MINDY4B: variants seen among roughly 807,000 people sequenced by gnomAD.
MINDY4B encodes inactive ubiquitin carboxyl-terminal hydrolase MINDY-4B.
Under a neutral mutation model 16.7 loss-of-function variants are expected in MINDY4B, and 25 were observed. The observed-to-expected ratio is 1.49, with a 90% confidence interval of 1.09 to 2.09. The LOEUF is 2.09. MINDY4B is among the 30% of genes most tolerant of loss of function. The pLI is 0.00. For synonymous variants in MINDY4B, 132 were observed against 61.9 expected (o/e 2.13, Z -5.32); for missense variants, 327 against 168.4 (o/e 1.94, Z -5.21).
chr3:150,900,522 T>G (rs2107911275), intron 3 of MINDY4B, among the ~76,000 whole-genome samples: 1 of 152,260 alleles, frequency 6.6e-6, no homozygotes, highest in South Asian at 2.1e-4. Flanking sequence ...AACAAGCATA[T>G]TTAGAATCCC....
intron 2 of MINDY4B, among the ~76,000 whole-genome samples, chr3:150,904,416 G>A (rs774269672): frequency 6.6e-6 from 1 of 152,126 alleles, no homozygotes; most frequent in Non-Finnish European, 1.5e-5. Context: ...GGGGCGAGAA[G>A]CTTTAGCATT....
intron 3 of MINDY4B, among the ~76,000 whole-genome samples, chr3:150,896,659 G>A (rs917717886): frequency 1.3e-5 from 2 of 152,092 alleles, no homozygotes; most frequent in South Asian, 2.1e-4. Flanking sequence ...TCTGGATCTA[G>A]CCACCTAGCA....
Position 150,894,237 on chromosome 3 carries a change from G to C in MINDY4B, c.378C>G (p.Phe126Leu). 1.4e-6 allele frequency: 1 copy of C among 702,236 alleles called. No homozygotes were observed. The highest frequency in any genetic ancestry group is 2.3e-4 in the Middle Eastern group (1 of 4,362). 43.5% of individuals were successfully genotyped at this position (702,236 alleles called of 1,614,324 possible). The change falls in exon 4 of 12, where the codon TTC becomes TTG. Residue 126 changes from phenylalanine to leucine, a missense_variant. By Grantham distance (22) the Phe-to-Leu change is conservative (BLOSUM62 0). Transcript: ENST00000465419. ...GTTCAGAAGAAGGATCATGGAACCT[G>C]AAATAGGCCTTTTTCCAGTTATAGC... ...VFSYNWKKAY[F>L]RFHDPSSELA... is the part of the protein sequence containing the mutation.
chr3:150,874,041 G>A (rs1378810258), intron 10 of MINDY4B, among the ~76,000 whole-genome samples: 3 of 127,522 alleles, frequency 2.4e-5, no homozygotes, highest in East Asian at 2.4e-4. Context: ...TTAAAGACAG[G>A]ATCTTGCTCT....
chr3:150,901,522 C>CT (rs10556676), intron 3 of MINDY4B: 1,815 of 134,920 alleles, frequency 0.013, 30 homozygotes, highest in South Asian at 0.074. Context: ...CTTTTCTTTT[C>CT]TTTTTTTTTT....
chr3:150,880,156 A>T (rs574852521), intron 10 of MINDY4B, among the ~76,000 whole-genome samples: 1 of 152,382 alleles, frequency 6.6e-6, no homozygotes, highest in East Asian at 1.9e-4. Flanking sequence ...GTTGTAAGTG[A>T]GGAAACAGGC....
chr3:150,902,951 A>C (rs892508161), intron 3 of MINDY4B, among the ~76,000 whole-genome samples: 2 of 152,164 alleles, frequency 1.3e-5, no homozygotes, highest in Admixed American at 6.5e-5. Flanking sequence ...AGTCTGTCCT[A>C]TCCTACCTTC....
At chr3:150,894,027 A>G (rs114928084) in intron 4 of MINDY4B, among the ~76,000 whole-genome samples, 159 bp downstream of exon 4, 1 of 152,316 alleles carries the variant, frequency 6.6e-6, no homozygotes, top group African/African-American at 2.4e-5. Context: ...AAGTAATTTT[A>G]AATAGTCTGT....
At chr3:150,890,291 A>G (rs1301656149) in intron 7 of MINDY4B, 29 bp downstream of exon 7, 7 of 478,898 alleles carry the variant, frequency 1.5e-5, no homozygotes, top group African/African-American at 1.4e-4. Context: ...GTCAACATAA[A>G]GGAATTATCT....
intron 7 of MINDY4B, among the ~76,000 whole-genome samples, chr3:150,888,709 T>C (rs927684584): frequency 6.6e-6 from 1 of 152,228 alleles, no homozygotes; most frequent in African/African-American, 2.4e-5. Flanking sequence ...TTAGCTCTCA[T>C]GCCAAGCCCA....
In MINDY4B at chr3:150,902,877, G is replaced by A. The variant is rs148594758; in HGVS notation, c.309+372C>T. Among the ~76,000 whole-genome samples, 126 of 152,264 alleles carry A rather than the reference G, an allele frequency of 8.3e-4. 1 individual carries two copies. Among genetic ancestry groups the A allele is most frequent in the Non-Finnish European group, 5.4e-4 (37 of 68,022 alleles). On this transcript the variant is annotated intron_variant, in intron 3 of 11. Transcript: ENST00000465419. ...TCCCTCCTGCATGCATACAGGTGGGGTACTTTCTTACACATCTACATTGTC... is the reference window on the plus strand; with the variant it reads ...TCCCTCCTGCATGCATACAGGTGGGATACTTTCTTACACATCTACATTGTC...
intron 5 of MINDY4B, among the ~76,000 whole-genome samples, chr3:150,891,988 C>A (rs372779739): frequency 6.6e-6 from 1 of 152,106 alleles, no homozygotes; most frequent in Non-Finnish European, 1.5e-5. Context: ...AAGTGCCTTA[C>A]CTTTATGTGG....
rs1357511190 is a variant in MINDY4B, at chr3:150,873,204, A to G, written c.1223T>C (p.Leu408Pro). The change falls in exon 11 of 12, where the codon CTT becomes CCT. Residue 408 changes from leucine to proline, a missense_variant. Coordinates refer to ENST00000465419, the MANE Select transcript of MINDY4B (RefSeq NM_001351281.2). ...ATGCTCACCTATTGTAAGACGCACA[A>G]GCTTTTTCTGTGAGGGTTGGCCACT... ...FYSGQPSQKK[L>P]VRLTIDTHSH... is the part of the protein sequence containing the mutation. The G allele has an allele frequency of 2.1e-5, 15 of 703,054 alleles. No individual in the cohort carries two copies. The highest frequency in any genetic ancestry group is 3.9e-5 in the Non-Finnish European group (15 of 384,880). 43.6% of individuals were successfully genotyped at this position (703,054 alleles called of 1,614,324 possible). A position where few individuals can be genotyped will look rare whatever the true frequency, so the allele number is the denominator to read the frequency against.
intron 9 of MINDY4B, 118 bp from the exon 10 acceptor site, chr3:150,883,176 A>T: frequency 1.7e-6 from 1 of 573,970 alleles, no homozygotes; most frequent in South Asian, 2.3e-5. Context: ...ATCACATGAT[A>T]CATATTTCAG....
chr3:150,878,133 T>C (rs1057281732), intron 10 of MINDY4B, among the ~76,000 whole-genome samples: 8 of 152,060 alleles, frequency 5.3e-5, no homozygotes, highest in Admixed American at 6.6e-5. Context: ...ATTCAATAAA[T>C]AAATGAAATG....
intron 11 of MINDY4B, 62 bp downstream of exon 11, chr3:150,873,125 T>C (rs553911443): frequency 9.3e-6 from 6 of 644,568 alleles, no homozygotes; most frequent in East Asian, 5.5e-5. Flanking sequence ...TTGTTAAACA[T>C]TGGCAACCGC....
At position 150,873,202 on chromosome 3, in the gene MINDY4B, C is replaced by T; in HGVS notation, c.1225G>A (p.Val409Met). The T allele has an allele frequency of 1.4e-6, 1 of 702,994 alleles. No individual in the cohort carries two copies. The allele number at this position is 702,994 out of a possible 1,614,324, so 43.5% of individuals were successfully genotyped here. The change falls in exon 11 of 12, where the codon GTG becomes ATG. Residue 409 changes from valine to methionine, a missense_variant. Coordinates refer to ENST00000465419, the MANE Select transcript of MINDY4B (RefSeq NM_001351281.2). ...AAATGCTCACCTATTGTAAGACGCA[C>T]AAGCTTTTTCTGTGAGGGTTGGCCA... ...YSGQPSQKKL[V>M]RLTIDTHSHH...
At position 150,891,024 on chromosome 3, in the gene MINDY4B, C is replaced by T; in HGVS notation, c.601G>A (p.Ala201Thr). The change falls in exon 6 of 12, where the codon GCT becomes ACT. Residue 201 changes from alanine to threonine, a missense_variant. Ala to Thr is a moderately conservative substitution (Grantham distance 58, BLOSUM62 0). Transcript: ENST00000465419. The part of the protein sequence containing the change: ...LAGILWAAGA[A>T]QKATICLVTE... ...ACAAGACAGATGGTGGCCTTCTGAG[C>T]TGCTCCTGCAGCCCACAGGATGCCA... is the stretch of plus-strand genomic sequence containing the variant. 2 of 702,884 alleles carry T rather than the reference C, an allele frequency of 2.8e-6. No individual in the cohort carries two copies. Among genetic ancestry groups the T allele is most frequent in the Non-Finnish European group, 5.2e-6 (2 of 384,844 alleles). 43.5% of individuals were successfully genotyped at this position (702,884 alleles called of 1,614,324 possible).
chr3:150,898,705 A>G (rs1712038227), intron 3 of MINDY4B, among the ~76,000 whole-genome samples: 1 of 152,226 alleles, frequency 6.6e-6, no homozygotes, highest in African/African-American at 2.4e-5. Context: ...CTAGTATTCT[A>G]TATTTGTGAA....
Sources: allele counts gnomAD v4.1 joint callset (sites outside exome capture counted in the v4.1 genomes callset), GRCh38; gene constraint gnomAD v4.1.1; transcripts MANE v1.5; gene names NCBI Gene and HGNC (gene_info 2026-07-23, HGNC 2026-07-21).